LRBA: variants seen among roughly 807,000 people sequenced by gnomAD.
LRBA encodes the protein LPS responsive beige-like anchor protein, also known as lipopolysaccharide-responsive and beige-like anchor protein.
In LRBA, 176 loss-of-function variants were observed where a neutral mutation model predicts 330.0. The ratio of observed to expected loss-of-function variants is 0.53; its 90% CI spans 0.47 to 0.60. The LOEUF is 0.60. LRBA is among the 20% of genes least tolerant of loss of function. LRBA has a pLI of 0.00. For missense variants in LRBA, 3,259 were observed against 3,444.8 expected (o/e 0.95, Z 1.35); for synonymous variants, 1,230 against 1,193.0 (o/e 1.03, Z -0.64).
intron 40 of LRBA, among the ~76,000 whole-genome samples, chr4:150,569,544 G>A (rs903002940): frequency 2.6e-5 from 4 of 152,048 alleles, no homozygotes; most frequent in Admixed American, 2.0e-4. Flanking sequence ...AGACTGGACG[G>A]TTCATTAGTC....
Position 150,819,347 on chromosome 4 carries a change from T to C in LRBA, c.5172-2090A>G, listed in dbSNP as rs564642736. 6.6e-5 allele frequency among the ~76,000 whole-genome samples: 10 copies of C among 151,808 alleles called. No homozygotes were observed. The South Asian group carries it at 2.1e-3, about 32-fold the overall frequency. On this transcript the variant is annotated intron_variant, in intron 30 of 56. Coordinates refer to ENST00000651943, the MANE Select transcript of LRBA (RefSeq NM_001364905.1). The stretch of plus-strand genomic sequence containing the variant: ...TGATGGGGACTTAAGGTTACACAAG[T>C]GTATAAATTTGTCAAAACTCATCAA...
chr4:150,492,748 T>G (rs554177816), intron 40 of LRBA, among the ~76,000 whole-genome samples: 1 of 152,306 alleles, frequency 6.6e-6, no homozygotes, highest in South Asian at 2.1e-4. Flanking sequence ...GACTGTCAGA[T>G]GAGTTCAACT....
At position 150,347,603 on chromosome 4, in the gene LRBA, G is replaced by A. The variant is rs947519521; in HGVS notation, c.7362+2389C>T. On this transcript the variant is annotated intron_variant, in intron 48 of 56. Transcript: ENST00000651943. ...GGAGGTTGTAATGAGCTGAGCTTGC[G>A]CAACTGCACTCCAGCCTGGGTGAAA... 6.0e-5 allele frequency among the ~76,000 whole-genome samples: 9 copies of A among 149,786 alleles called. No homozygotes were observed. In the Middle Eastern group the frequency reaches 0.01, roughly 173 times the overall value.
chr4:150,557,436 G>A (rs1327841170), intron 40 of LRBA, among the ~76,000 whole-genome samples: 3 of 151,538 alleles, frequency 2.0e-5, no homozygotes, highest in Non-Finnish European at 2.9e-5. Context: ...ATACAGGGAA[G>A]AACTGTTAAG....
intron 30 of LRBA, among the ~76,000 whole-genome samples, 199 bp downstream of exon 30, chr4:150,827,981 C>T (rs1389490728): frequency 1.3e-5 from 2 of 152,010 alleles, no homozygotes; most frequent in Non-Finnish European, 2.9e-5. Flanking sequence ...ATACATATAA[C>T]AATCAAAATA....
In LRBA at chr4:150,732,622, G is replaced by A. The variant is rs532917245; in HGVS notation, c.5754+2636C>T. On this transcript the variant is annotated intron_variant, in intron 36 of 56. Transcript: ENST00000651943. Reference sequence around the variant, plus strand: ...ATATCATCTGAGTTTCTGTCTATTGGGTTGTTTTTCTTATAAGAATTATTA... The same window carrying A: ...ATATCATCTGAGTTTCTGTCTATTGAGTTGTTTTTCTTATAAGAATTATTA... Among the ~76,000 whole-genome samples the A allele has an allele frequency of 2.0e-5, 3 of 151,782 alleles. No individual in the cohort carries two copies. In the East Asian group the frequency reaches 5.8e-4, roughly 29 times the overall value.
intron 8 of LRBA, 43 bp from the exon 9 acceptor site, chr4:150,914,384 A>C: frequency 2.9e-6 from 4 of 1,383,878 alleles, no homozygotes; most frequent in Non-Finnish European, 3.9e-6. Flanking sequence ...AAACAAAAAA[A>C]AACTCCAGAA....
chr4:150,404,473 A>AG (rs1745914370), intron 47 of LRBA, among the ~76,000 whole-genome samples: 1 of 152,192 alleles, frequency 6.6e-6, no homozygotes, highest in Non-Finnish European at 1.5e-5. Context: ...AAAAAGGAGT[A>AG]GGGTAGGCTC....
chr4:150,418,259 C>T (rs201505861), intron 46 of LRBA, among the ~76,000 whole-genome samples: 1 of 151,934 alleles, frequency 6.6e-6, no homozygotes, highest in African/African-American at 2.4e-5. Flanking sequence ...TTCAAGCAAT[C>T]CTCCCCAAAA....
intron 23 of LRBA, 131 bp downstream of exon 23, chr4:150,851,754 C>T: frequency 1.1e-6 from 1 of 899,234 alleles, no homozygotes; most frequent in Admixed American, 3.3e-5. Context: ...ACAATCTTCA[C>T]ATTCATTGCA....
At chr4:150,520,247 T>C (rs1257896225) in intron 40 of LRBA, among the ~76,000 whole-genome samples, 1 of 152,190 alleles carries the variant, frequency 6.6e-6, no homozygotes, top group East Asian at 1.9e-4. Context: ...AAAGGCAGCT[T>C]GTCAATTTCT....
intron 47 of LRBA, among the ~76,000 whole-genome samples, chr4:150,377,170 T>TC (rs1741479032): frequency 6.6e-6 from 1 of 151,184 alleles, no homozygotes; most frequent in Non-Finnish European, 1.5e-5. Context: ...GCTCTTAGTC[T>TC]TGACTTGGGC....
rs775094865 is a variant in LRBA at position 150,806,380 on chromosome 4, A to G, written c.5409T>C (p.Ala1803=). Residue 1803 remains alanine (A), a synonymous_variant, in exon 33 of 57, where the codon GCT becomes GCC. Coordinates refer to ENST00000651943, the MANE Select transcript of LRBA (RefSeq NM_001364905.1). The stretch of plus-strand genomic sequence containing the variant: ...GAAGGAGAGGAGCTGCCTTTTCCAA[A>G]GCGTGTTCAAGCCTCTCTGTAATAC... ...NMSITERLEH[A]LEKAAPLLRE... is the part of the protein sequence containing the mutation. The G allele has an allele frequency of 1.2e-6, 2 of 1,609,386 alleles. No homozygotes were observed. The highest frequency in any genetic ancestry group is 1.7e-6 in the Non-Finnish European group (2 of 1,178,140).
chr4:150,965,231 C>T (rs1033378035), intron 2 of LRBA, among the ~76,000 whole-genome samples: 2 of 151,948 alleles, frequency 1.3e-5, no homozygotes, highest in African/African-American at 2.4e-5. Context: ...TGGAAACAAC[C>T]CAGTAAACAG....
chr4:150,929,809 AT>A (rs1734270220), intron 2 of LRBA, among the ~76,000 whole-genome samples: 2 of 151,990 alleles, frequency 1.3e-5, no homozygotes, highest in South Asian at 2.1e-4. Context: ...TTTTAAATAA[AT>A]TTTTTTAAAT....
intron 18 of LRBA, among the ~76,000 whole-genome samples, chr4:150,872,047 C>T (rs1347463472): frequency 1.3e-5 from 2 of 152,124 alleles, no homozygotes; most frequent in African/African-American, 4.8e-5. Context: ...TGTCACAACT[C>T]AACACTGTCC....
rs201293467 is a variant in LRBA at position 150,742,149 on chromosome 4, TA to T, written c.5646-6784del. On this transcript the variant is annotated intron_variant, in intron 35 of 56. Transcript: ENST00000651943. ...TTATTATCATTATTATTATTATTAT[TA>T]TTTTTTTTTTTTAGGGACAGAGTCT... Among the ~76,000 whole-genome samples, 740 of 83,220 alleles carry T rather than the reference TA, an allele frequency of 8.9e-3. 5 individuals are homozygous for T. Among genetic ancestry groups the T allele is most frequent in the African/African-American group, 0.026 (704 of 26,644 alleles). 54.6% of individuals were successfully genotyped at this position (83,220 alleles called of 152,430 possible). A position where few individuals can be genotyped will look rare whatever the true frequency, so the allele number is the denominator to read the frequency against.
At chr4:151,008,426 C>T (rs1744380727) in intron 2 of LRBA, among the ~76,000 whole-genome samples, 1 of 152,018 alleles carries the variant, frequency 6.6e-6, no homozygotes, top group South Asian at 2.1e-4. Flanking sequence ...TTGTCCCTTG[C>T]TATACTGGGG....
At position 150,852,625 on chromosome 4, in the gene LRBA, G is replaced by C. The variant is rs747777607; in HGVS notation, c.3085C>G (p.Pro1029Ala). ...GTTTCTTCCAAAGTGCCTTCATCTG[G>C]TAACTCCTGATTTTCTTGCTCAGCT... ...MKAEQENQEL[P>A]DEGTLEETLT... is the part of the protein sequence containing the mutation. The change falls in exon 23 of 57, where the codon CCA becomes GCA. Residue 1029 changes from proline to alanine, a missense_variant. Transcript: ENST00000651943. The C allele has an allele frequency of 1.2e-6, 2 of 1,613,990 alleles. No individual in the cohort carries two copies. Among genetic ancestry groups the C allele is most frequent in the Non-Finnish European group, 1.7e-6 (2 of 1,179,954 alleles).
Sources: allele counts gnomAD v4.1 joint callset (sites outside exome capture counted in the v4.1 genomes callset), GRCh38; gene constraint gnomAD v4.1.1; transcripts MANE v1.5; gene names NCBI Gene and HGNC (gene_info 2026-07-23, HGNC 2026-07-21).